The following STAG1 variants were observed in gnomAD, a reference collection of about 807,000 sequenced individuals.
STAG1 encodes the protein cohesin subunit SA-1.
In STAG1, 26 loss-of-function variants were observed where a neutral mutation model predicts 170.9. That is an observed-to-expected ratio of 0.15 (90% CI 0.11 to 0.21). STAG1 has a LOEUF of 0.21. Ranked by LOEUF, STAG1 falls within the 10% of genes least tolerant of loss-of-function variation. STAG1 has a pLI of 1.00. For missense variants in STAG1, 964 were observed against 1,509.5 expected (o/e 0.64, Z 5.99); for synonymous variants, 514 against 497.7 (o/e 1.03, Z -0.44).
rs138460971 is a variant in STAG1, at chr3:136,549,023, C to T, written c.395-6828G>A. 3.3e-3 allele frequency among the ~76,000 whole-genome samples: 495 copies of T among 152,292 alleles called. 7 individuals are homozygous for T. The East Asian group carries it at 0.046, about 14-fold the overall frequency. ...TGAGGCCTTCCTAGCCACGCTTCCT[C>T]TACAGCCTGCAAAATCGTAAACATT... On this transcript the variant is annotated intron_variant, in intron 5 of 33. Coordinates refer to ENST00000383202, the MANE Select transcript of STAG1 (RefSeq NM_005862.3).
At chr3:136,714,733 T>C (rs1943473550) in intron 1 of STAG1, among the ~76,000 whole-genome samples, 1 of 148,076 alleles carries the variant, frequency 6.8e-6, no homozygotes, top group Admixed American at 6.7e-5. Flanking sequence ...GTCTCAAAAA[T>C]AAAAATAAAT....
intron 1 of STAG1, among the ~76,000 whole-genome samples, chr3:136,702,072 CG>C (rs1943080436): frequency 3.6e-5 from 3 of 82,392 alleles, no homozygotes; most frequent in Admixed American, 3.1e-4. Context: ...ACCACCATGC[CG>C]AAAGAGAGAG....
chr3:136,529,424 T>A (rs1326246235), intron 6 of STAG1, among the ~76,000 whole-genome samples: 1 of 152,016 alleles, frequency 6.6e-6, no homozygotes, highest in Non-Finnish European at 1.5e-5. Context: ...TTCATCAGAC[T>A]ACCAGTAAAT....
At chr3:136,623,122 AAAG>A (rs1344729968) in intron 3 of STAG1, 21 bp downstream of exon 3, 1 of 1,590,298 alleles carries the variant, frequency 6.3e-7, no homozygotes, top group East Asian at 2.2e-5. Flanking sequence ...TTAAAGGAAC[AAAG>A]AAGACAAGCA....
intron 26 of STAG1, among the ~76,000 whole-genome samples, chr3:136,360,668 TTA>T (rs1936828075): frequency 6.6e-6 from 1 of 152,172 alleles, no homozygotes; most frequent in Non-Finnish European, 1.5e-5. Context: ...AGATAATTGT[TTA>T]TAAATTCTTT....
chr3:136,637,613 C>G (rs1015228544), intron 1 of STAG1, among the ~76,000 whole-genome samples: 2 of 152,126 alleles, frequency 1.3e-5, no homozygotes, highest in Admixed American at 6.5e-5. Context: ...GCTCAATTAC[C>G]TGAGTTCTCA....
intron 1 of STAG1, among the ~76,000 whole-genome samples, chr3:136,641,482 T>C (rs948406351): frequency 1.3e-5 from 2 of 152,202 alleles, no homozygotes; most frequent in African/African-American, 4.8e-5. Context: ...GGCCTCCTAA[T>C]AGGATAAACA....
intron 23 of STAG1, among the ~76,000 whole-genome samples, chr3:136,370,007 T>G (rs1353669302): frequency 6.6e-6 from 1 of 152,164 alleles, no homozygotes; most frequent in Non-Finnish European, 1.5e-5. Context: ...TAGAACCTAA[T>G]GCTTGAGGAT....
chr3:136,728,262 A>G (rs944242285), intron 1 of STAG1, among the ~76,000 whole-genome samples: 3 of 152,250 alleles, frequency 2.0e-5, no homozygotes, highest in African/African-American at 7.2e-5. Flanking sequence ...AAGGGGAAAT[A>G]AACTATAAAG....
intron 3 of STAG1, among the ~76,000 whole-genome samples, chr3:136,612,334 C>T (rs186175648): frequency 2.0e-5 from 3 of 152,094 alleles, no homozygotes; most frequent in Admixed American, 1.3e-4. Flanking sequence ...TGGCTGGGCA[C>T]GGTGGCTCAC....
intron 3 of STAG1, among the ~76,000 whole-genome samples, chr3:136,606,510 A>G (rs1938946841): frequency 6.6e-6 from 1 of 152,092 alleles, no homozygotes; most frequent in Non-Finnish European, 1.5e-5. Context: ...CTTCTTGCCT[A>G]ATGACCTTTT....
intron 21 of STAG1, among the ~76,000 whole-genome samples, chr3:136,403,103 C>T (rs1273247731): frequency 6.6e-6 from 1 of 151,360 alleles, no homozygotes; most frequent in Admixed American, 6.6e-5. Context: ...TGGCACATGC[C>T]TGTATTCCTG....
chr3:136,478,855 T>A (rs2089835175), intron 9 of STAG1, among the ~76,000 whole-genome samples: 2 of 152,128 alleles, frequency 1.3e-5, no homozygotes, highest in African/African-American at 4.8e-5. Flanking sequence ...CATCCTGAGT[T>A]CAAATCCTGG....
chr3:136,606,192 AT>A (rs1175092374), intron 3 of STAG1, among the ~76,000 whole-genome samples: 198 of 145,450 alleles, frequency 1.4e-3, no homozygotes, highest in Middle Eastern at 3.5e-3. Context: ...CTTTCTTTGA[AT>A]TTTTTTTTTT....
intron 21 of STAG1, among the ~76,000 whole-genome samples, chr3:136,415,038 A>G (rs574851034): frequency 1.4e-4 from 22 of 152,332 alleles, no homozygotes; most frequent in African/African-American, 5.3e-4. Flanking sequence ...ACAATAGAAC[A>G]TCAAAGATTA....
intron 12 of STAG1, among the ~76,000 whole-genome samples, chr3:136,466,593 A>T (rs1437104066): frequency 6.6e-6 from 1 of 152,242 alleles, no homozygotes; most frequent in African/African-American, 2.4e-5. Flanking sequence ...GATATTATCC[A>T]GGAGAACTTC....
intron 7 of STAG1, among the ~76,000 whole-genome samples, chr3:136,509,031 G>C (rs1156834965): frequency 6.6e-6 from 1 of 152,212 alleles, no homozygotes; most frequent in Non-Finnish European, 1.5e-5. Context: ...TCTAATAAAA[G>C]AAAGAAATTT....
chr3:136,354,754 CAAAA>C, intron 28 of STAG1, among the ~76,000 whole-genome samples: 1 of 6,506 alleles, frequency 1.5e-4, no homozygotes, highest in African/African-American at 7.2e-4. Context: ...GAGAAAGAAC[CAAAA>C]AAAAAAAAAA....
At chr3:136,726,162 G>A (rs1933674026) in intron 1 of STAG1, among the ~76,000 whole-genome samples, 1 of 152,064 alleles carries the variant, frequency 6.6e-6, no homozygotes, top group African/African-American at 2.4e-5. Flanking sequence ...GTGACATTTT[G>A]GGCCAATAGT....
Sources: gnomAD v4.1 joint callset for allele counts (sites outside exome capture counted in the v4.1 genomes callset) on GRCh38, gnomAD v4.1.1 for gene constraint, MANE v1.5 for transcripts, NCBI Gene and HGNC (gene_info 2026-07-23, HGNC 2026-07-21) for gene names.